The following PDS5A variants were observed in gnomAD, a reference collection of about 807,000 sequenced individuals.
The protein encoded by PDS5A is PDS5 cohesin associated factor A.
A neutral mutation model predicts 167.1 loss-of-function variants in PDS5A; 42 were observed. The observed-to-expected ratio is 0.25, with a 90% CI of 0.20 to 0.33. PDS5A has a LOEUF of 0.33. PDS5A is among the 10% of genes least tolerant of loss of function. The pLI, the probability that PDS5A is intolerant of heterozygous loss-of-function variation, is 1.00. For synonymous variants in PDS5A, 553 were observed against 554.6 expected, an observed-to-expected ratio of 1.00 and a Z score of 0.04; for missense variants, 1,033 against 1,605.9, an observed-to-expected ratio of 0.64 and a Z score of 6.10.
At chr4:39,944,746 T>C (rs1030439862) in intron 2 of PDS5A, among the ~76,000 whole-genome samples, 1 of 149,844 alleles carries the variant, frequency 6.7e-6, no homozygotes, top group Admixed American at 6.7e-5. Flanking sequence ...GCATGGCGGG[T>C]TCAAAGGCTT....
At chr4:39,830,350 G>A (rs571263130) in intron 32 of PDS5A, among the ~76,000 whole-genome samples, 5 of 152,032 alleles carry the variant, frequency 3.3e-5, no homozygotes, top group South Asian at 2.1e-4. Flanking sequence ...CCACCATGCC[G>A]GGCTAATTTC....
chr4:39,869,447 T>C lies in PDS5A; in HGVS notation c.2452A>G (p.Asn818Asp). The part of the protein sequence containing the change: ...LMNDRSTGEK[N>D]GKLWSPDEEV... ...TCATCTGGAGACCACAGTTTTCCAT[T>C]CTTTTCACCTGTTGACTATAGACAA... The change falls in exon 22 of 33, where the codon AAT becomes GAT. Residue 818 changes from asparagine (N) to aspartate (D), a missense_variant. By Grantham distance (23) the Asn-to-Asp change is conservative. Around this residue, in one of 4 missense-constraint regions of PDS5A, gnomAD observed 367 missense variants for 686.7 expected, o/e 0.53. Coordinates refer to ENST00000303538, the MANE Select transcript of PDS5A (RefSeq NM_001100399.2). 2 of 1,599,640 alleles carry C rather than the reference T, an allele frequency of 1.3e-6. No homozygotes were observed. Among genetic ancestry groups the C allele is most frequent in the South Asian group, 1.1e-5 (1 of 90,762 alleles).
chr4:39,841,119 A>G (rs1311228804), intron 31 of PDS5A, among the ~76,000 whole-genome samples: 2 of 152,102 alleles, frequency 1.3e-5, no homozygotes, highest in African/African-American at 4.8e-5. Flanking sequence ...GGAATCAACA[A>G]ACTTTTGAAA....
At position 39,973,941 on chromosome 4, in the gene PDS5A, C is replaced by T. The variant is rs192533801; in HGVS notation, c.138+2499G>A. On this transcript the variant is annotated intron_variant, in intron 2 of 32. Coordinates refer to ENST00000303538, the MANE Select transcript of PDS5A (RefSeq NM_001100399.2). ...GAGATCGAGACCATCCTGGCTAACA[C>T]GGTGAAACCCGTCTCTACTAAAAAA... 1.4e-3 allele frequency: 785 copies of T among 547,444 alleles called. 5 individuals are homozygous for T. Among genetic ancestry groups the T allele is most frequent in the Middle Eastern group, 0.012 (31 of 2,694 alleles). 33.9% of individuals were successfully genotyped at this position (547,444 alleles called of 1,614,324 possible). A position where few individuals can be genotyped will look rare whatever the true frequency, so the allele number is the denominator to read the frequency against.
At chr4:39,828,180 A>C (rs1379086868) in intron 32 of PDS5A, among the ~76,000 whole-genome samples, 1 of 152,218 alleles carries the variant, frequency 6.6e-6, no homozygotes, top group African/African-American at 2.4e-5. Context: ...AATGCAGCCC[A>C]AAACATAAAC....
chr4:39,897,473 A>G (rs1451589379), intron 16 of PDS5A, among the ~76,000 whole-genome samples: 1 of 152,066 alleles, frequency 6.6e-6, no homozygotes, highest in Non-Finnish European at 1.5e-5. Flanking sequence ...ATCTCGGCTC[A>G]CTACAACCTC....
At chr4:39,937,647 G>A (rs536557934) in intron 2 of PDS5A, among the ~76,000 whole-genome samples, 1 of 152,234 alleles carries the variant, frequency 6.6e-6, no homozygotes, top group South Asian at 2.1e-4. Flanking sequence ...TCCAACTCTT[G>A]GCCTCAGGTG....
chr4:39,932,075 TAG>T (rs1726125122), intron 2 of PDS5A, among the ~76,000 whole-genome samples: 1 of 152,050 alleles, frequency 6.6e-6, no homozygotes, highest in Admixed American at 6.6e-5. Context: ...GTATTTTTAG[TAG>T]AGACAGGATT....
intron 21 of PDS5A, among the ~76,000 whole-genome samples, chr4:39,870,129 A>T (rs1219569420): frequency 1.3e-5 from 2 of 151,980 alleles, no homozygotes; most frequent in East Asian, 3.9e-4. Flanking sequence ...AAGCAAAACA[A>T]AAAAACTCCT....
chr4:39,842,938 T>TATATATATATATATATATATATATATATA (rs1349599395), intron 30 of PDS5A, among the ~76,000 whole-genome samples: 43 of 133,042 alleles, frequency 3.2e-4, no homozygotes, highest in African/African-American at 6.5e-4. Context: ...TATATATATA[T>TATATATATATATATATATATATATATATA]TTTAAGAGAC....
At chr4:39,854,496 T>C (rs1415677228) in intron 26 of PDS5A, among the ~76,000 whole-genome samples, 1 of 152,216 alleles carries the variant, frequency 6.6e-6, no homozygotes, top group East Asian at 1.9e-4. Flanking sequence ...CGTTTTCTGA[T>C]TCTCTGTTCT....
At chr4:39,883,945 T>TC (rs1721185095) in intron 17 of PDS5A, among the ~76,000 whole-genome samples, 1 of 151,068 alleles carries the variant, frequency 6.6e-6, no homozygotes, top group Non-Finnish European at 1.5e-5. Flanking sequence ...CTTTGCTTTT[T>TC]TTTTTTTGAG....
At chr4:39,854,772 ACCTGGC>A (rs1718401651) in intron 26 of PDS5A, among the ~76,000 whole-genome samples, 1 of 152,212 alleles carries the variant, frequency 6.6e-6, no homozygotes, top group Non-Finnish European at 1.5e-5. Flanking sequence ...AACTTAGCGT[ACCTGGC>A]ACATTGAAAG....
rs762391397 is a variant in PDS5A at position 39,869,426 on chromosome 4, C to T, written c.2473G>A (p.Asp825Asn). ...GEKNGKLWSPDEEVSPEVLAK... is the reference protein window; with the variant it reads ...GEKNGKLWSPNEEVSPEVLAK... Reference sequence around the variant, plus strand: ...AGTACTTCAGGGGAAACCTCTTCATCTGGAGACCACAGTTTTCCATTCTTT... The same window carrying T: ...AGTACTTCAGGGGAAACCTCTTCATTTGGAGACCACAGTTTTCCATTCTTT... The change falls in exon 22 of 33, where the codon GAT becomes AAT. Residue 825 changes from aspartate (D) to asparagine (N), a missense_variant. Coordinates refer to ENST00000303538, the MANE Select transcript of PDS5A (RefSeq NM_001100399.2). 3.1e-6 allele frequency: 5 copies of T among 1,605,738 alleles called. No individual in the cohort carries two copies. Among genetic ancestry groups the T allele is most frequent in the African/African-American group, 1.3e-5 (1 of 74,744 alleles).
At chr4:39,849,711 A>C in intron 26 of PDS5A, 59 bp from the exon 27 acceptor site, 1 of 1,177,326 alleles carries the variant, frequency 8.5e-7, no homozygotes, top group Non-Finnish European at 1.2e-6. Flanking sequence ...TTAAAGCAAT[A>C]AATATGTTAG....
At chr4:39,898,028 C>T (rs1487291151) in intron 16 of PDS5A, 18 of 970,348 alleles carry the variant, frequency 1.9e-5, no homozygotes, top group Non-Finnish European at 2.1e-5. Flanking sequence ...AATGTTACTA[C>T]TACTAATTTA....
intron 32 of PDS5A, among the ~76,000 whole-genome samples, chr4:39,831,579 G>A (rs1242552055): frequency 1.3e-5 from 2 of 151,558 alleles, no homozygotes; most frequent in Non-Finnish European, 2.9e-5. Flanking sequence ...AAGTTTAATG[G>A]CATTAAGAAT....
At chr4:39,894,953 C>G (rs1376648501) in intron 16 of PDS5A, among the ~76,000 whole-genome samples, 2 of 151,948 alleles carry the variant, frequency 1.3e-5, no homozygotes, top group Non-Finnish European at 2.9e-5. Flanking sequence ...GTTGGCCAGG[C>G]ACGGTGGCTC....
chr4:39,929,809 G>A (rs568851127), intron 2 of PDS5A, among the ~76,000 whole-genome samples: 20 of 150,410 alleles, frequency 1.3e-4, no homozygotes, highest in South Asian at 2.1e-4. Context: ...GCAGTGAAGC[G>A]ATCTCAGCTC....
Sources: allele counts gnomAD v4.1 joint callset (sites outside exome capture counted in the v4.1 genomes callset), GRCh38; gene constraint gnomAD v4.1.1; regional missense constraint gnomAD v4.1.1; transcripts MANE v1.5; gene names NCBI Gene and HGNC (gene_info 2026-07-23, HGNC 2026-07-21).